The following HCN4 variants were observed in gnomAD, a reference collection of about 807,000 sequenced individuals.
HCN4 encodes the protein hyperpolarization activated cyclic nucleotide gated potassium channel 4, also known as potassium/sodium hyperpolarization-activated cyclic nucleotide-gated channel 4.
A neutral mutation model predicts 76.9 loss-of-function variants in HCN4; 29 were observed. The ratio of observed to expected loss-of-function variants is 0.38; its 90% CI spans 0.28 to 0.51. The LOEUF (loss-of-function observed/expected upper bound fraction) is 0.51, where lower values mean the gene tolerates loss of function less well. Among genes scored for constraint, HCN4 ranks in the 20% least tolerant of loss-of-function variants. The pLI is 0.90. For missense variants in HCN4, 1,416 were observed against 1,715.2 expected, an observed-to-expected ratio of 0.83 and a Z score of 3.08; for synonymous variants, 772 against 762.5, an observed-to-expected ratio of 1.01 and a Z score of -0.21.
chr15:73,351,965 T>C (rs2043056726), intron 1 of HCN4, among the ~76,000 whole-genome samples: 1 of 152,160 alleles, frequency 6.6e-6, no homozygotes, highest in African/African-American at 2.4e-5. Context: ...TCCCCACTTG[T>C]ACCCACCTAC....
chr15:73,336,391 T>C (rs2042965748), intron 2 of HCN4, among the ~76,000 whole-genome samples: 1 of 152,044 alleles, frequency 6.6e-6, no homozygotes, highest in Non-Finnish European at 1.5e-5. Flanking sequence ...CCGGCAATGC[T>C]CCTCCTCTGA....
intron 4 of HCN4, among the ~76,000 whole-genome samples, chr15:73,327,395 G>A (rs912509065): frequency 1.3e-5 from 2 of 152,118 alleles, no homozygotes; most frequent in Non-Finnish European, 2.9e-5. Flanking sequence ...ACAGGCGTGA[G>A]CCACAGCGCC....
At position 73,322,803 on chromosome 15, in the gene HCN4, C is replaced by A; in HGVS notation, c.3290G>T (p.Gly1097Val). 6.5e-7 allele frequency: 1 copy of A among 1,541,528 alleles called. No individual in the cohort carries two copies. Among genetic ancestry groups the A allele is most frequent in the East Asian group, 2.3e-5 (1 of 43,452 alleles). ...SASQPALPQD[G>V]AQTLRRASPH... ...GGAGGCTCTGCGGAGAGTCTGCGCC[C>A]CGTCCTGAGGCAGGGCTGGCTGAGA... Residue 1097 changes from glycine to valine, a missense_variant, in exon 8 of 8, where the codon GGG becomes GTG. By Grantham distance (109) the Gly-to-Val change is moderately radical. Around this residue, in one of 6 missense-constraint regions of HCN4, gnomAD observed 633 missense variants for 579.8 expected, o/e 1.09. Coordinates refer to ENST00000261917, the MANE Select transcript of HCN4 (RefSeq NM_005477.3).
chr15:73,360,580 T>C (rs1321204097), intron 1 of HCN4, among the ~76,000 whole-genome samples: 1 of 152,032 alleles, frequency 6.6e-6, no homozygotes, highest in African/African-American at 2.4e-5. Context: ...GAAGGAGGAA[T>C]GTCAAATTCC....
rs1173309336 is a variant in HCN4, at chr15:73,367,976, T to A, written c.295A>T (p.Ser99Cys). 1 of 1,348,658 alleles carries A rather than the reference T, an allele frequency of 7.4e-7. No individual in the cohort carries two copies. Among genetic ancestry groups the A allele is most frequent in the Non-Finnish European group, 9.5e-7 (1 of 1,056,868 alleles). The allele number at this position is 1,348,658 out of a possible 1,614,324, so 83.5% of individuals were successfully genotyped here. The stretch of plus-strand genomic sequence containing the variant: ...CCCCGGCTGCCCAGCGAGGCCAGGC[T>A]CCCGCGGAAGCGCCTGCAGTCGCCG... The part of the protein sequence containing the change: ...TNGDCRRFRG[S>C]LASLGSRGGG... The change falls in exon 1 of 8, where the codon AGC (serine) becomes TGC (cysteine). Residue 99 changes from serine to cysteine, a missense_variant. Physicochemically the swap from Ser to Cys is moderately radical, Grantham distance 112. This residue lies in a region of HCN4 where 355 missense variants were observed against 347.8 expected (regional missense o/e 1.02). Coordinates refer to ENST00000261917, the MANE Select transcript of HCN4 (RefSeq NM_005477.3). This position sits in a 1 kb window ranked among gnomAD's most constrained non-coding sequence, Gnocchi z 7.5.
At chr15:73,356,820 C>G (rs2043083371) in intron 1 of HCN4, among the ~76,000 whole-genome samples, 1 of 151,906 alleles carries the variant, frequency 6.6e-6, no homozygotes, top group Non-Finnish European at 1.5e-5. Context: ...CCTCACAACC[C>G]ACAAGGAAAA....
intron 2 of HCN4, among the ~76,000 whole-genome samples, chr15:73,334,786 T>C (rs1465533334): frequency 3.3e-5 from 5 of 152,120 alleles, no homozygotes; most frequent in Non-Finnish European, 7.4e-5. Flanking sequence ...ACACCCGTCA[T>C]AGACGCAAGG....
chr15:73,361,674 G>C (rs2043105697), intron 1 of HCN4, among the ~76,000 whole-genome samples: 1 of 152,164 alleles, frequency 6.6e-6, no homozygotes, highest in Non-Finnish European at 1.5e-5. Flanking sequence ...CAGGCACAAG[G>C]GCCACTCAGG....
intron 1 of HCN4, among the ~76,000 whole-genome samples, chr15:73,363,003 C>T (rs944361302): frequency 6.6e-6 from 1 of 152,232 alleles, no homozygotes; most frequent in South Asian, 2.1e-4. Context: ...AGGTGGGACA[C>T]ATCTCATCCC....
rs373721138 is a variant in HCN4 at position 73,324,000 on chromosome 15, C to G, written c.2144-51G>C. ...CTCAGGGCAGAGCGGGGAAGGAGAT[C>G]AGGTGCAGACCTGGCTTAGGCATAA... is the stretch of plus-strand genomic sequence containing the variant. On this transcript the variant is annotated intron_variant, in intron 7 of 7. Transcript: ENST00000261917. The G allele has an allele frequency of 4.3e-6, 7 of 1,611,418 alleles. No individual in the cohort carries two copies. The African/African-American group carries it at 9.3e-5, about 22-fold the overall frequency.
chr15:73,323,827 C>T lies in HCN4; in HGVS notation c.2266G>A (p.Ala756Thr), dbSNP rs143339036. 4.6e-5 allele frequency: 74 copies of T among 1,606,004 alleles called. No homozygotes were observed. Among genetic ancestry groups the T allele is most frequent in the Non-Finnish European group, 5.8e-5 (68 of 1,179,922 alleles). The change falls in exon 8 of 8, where the codon GCG becomes ACG. Residue 756 changes from alanine to threonine, a missense_variant. Physicochemically the swap from Ala to Thr is moderately conservative, Grantham distance 58. Around this residue, in one of 6 missense-constraint regions of HCN4, gnomAD observed 241 missense variants for 379.4 expected, o/e 0.64. Coordinates refer to ENST00000261917, the MANE Select transcript of HCN4 (RefSeq NM_005477.3). ...GAGGCAGCAGCCTGGACGCGGTGCGCGCAGTGGGCCATCTCCCGGTCATGC... is the reference window on the plus strand; with the variant it reads ...GAGGCAGCAGCCTGGACGCGGTGCGTGCAGTGGGCCATCTCCCGGTCATGC... Reference protein sequence around the residue: ...VQHDREMAHCAHRVQAAASAT... With the variant: ...VQHDREMAHCTHRVQAAASAT...
intron 1 of HCN4, among the ~76,000 whole-genome samples, chr15:73,351,803 C>T (rs533115771): frequency 6.6e-6 from 1 of 152,344 alleles, no homozygotes; most frequent in Non-Finnish European, 1.5e-5. Flanking sequence ...CTGGCCTGGA[C>T]TCTGCCTCCT....
intron 1 of HCN4, among the ~76,000 whole-genome samples, 196 bp from the exon 2 acceptor site, chr15:73,344,004 A>G (rs947677599): frequency 6.6e-6 from 1 of 152,204 alleles, no homozygotes; most frequent in Non-Finnish European, 1.5e-5. Flanking sequence ...CTCTTCATTC[A>G]CTAAGGATAC....
intron 1 of HCN4, among the ~76,000 whole-genome samples, chr15:73,348,946 C>T (rs950140316): frequency 6.6e-6 from 1 of 152,224 alleles, no homozygotes; most frequent in African/African-American, 2.4e-5. Context: ...TCAGCATCAT[C>T]CTCCTCAAAG....
Position 73,368,161 on chromosome 15 carries a change from GC to G in HCN4, c.109del (p.Ala37ProfsTer195). On this transcript the variant is annotated frameshift_variant, in exon 1 of 8. Transcript: ENST00000261917. LOFTEE classifies it high-confidence loss of function. The surrounding 1 kb of genome is among the most constrained non-coding windows in gnomAD (Gnocchi z 6.9). Reference protein sequence around the residue: ...DEEEDAEEEGAGGRQDPSRRS... With the variant: ...DEEEDAEEEGXGGRQDPSRRS... Reference sequence around the variant, plus strand: ...GCGGCTGGGGTCTTGGCGGCCCCCGGCCCCCTCCTCCTCGGCGTCCTCTTCC... The same window carrying G: ...GCGGCTGGGGTCTTGGCGGCCCCCGGCCCCTCCTCCTCGGCGTCCTCTTCC... 4 of 1,527,740 alleles carry G rather than the reference GC, an allele frequency of 2.6e-6. No homozygotes were observed. Among genetic ancestry groups the G allele is most frequent in the East Asian group, 2.6e-5 (1 of 38,342 alleles). 94.6% of individuals were successfully genotyped at this position (1,527,740 alleles called of 1,614,324 possible). A position where few individuals can be genotyped will look rare whatever the true frequency, so the allele number is the denominator to read the frequency against.
chr15:73,324,053 C>T, intron 7 of HCN4, 36 bp downstream of exon 7: 2 of 1,608,580 alleles, frequency 1.2e-6, no homozygotes, highest in Non-Finnish European at 8.5e-7. Flanking sequence ...CCCCCAACAC[C>T]CCCCACCTGC....
At chr15:73,362,019 T>A (rs950277709) in intron 1 of HCN4, among the ~76,000 whole-genome samples, 1 of 152,194 alleles carries the variant, frequency 6.6e-6, no homozygotes, top group Non-Finnish European at 1.5e-5. Flanking sequence ...GCCCTTTGGA[T>A]GGGAGAAAAG....
In HCN4 at chr15:73,323,080, A is replaced by G; in HGVS notation, c.3013T>C (p.Ser1005Pro). The G allele has an allele frequency of 6.4e-7, 1 of 1,570,544 alleles. No individual in the cohort carries two copies. The highest frequency in any genetic ancestry group is 8.6e-7 in the Non-Finnish European group (1 of 1,161,488). Residue 1005 changes from serine (S) to proline (P), a missense_variant, in exon 8 of 8, where the codon TCC becomes CCC. Ser to Pro is a moderately conservative substitution (Grantham distance 74, BLOSUM62 -1). Coordinates refer to ENST00000261917, the MANE Select transcript of HCN4 (RefSeq NM_005477.3). ...ETPPRQPEPP[S>P]LVAGASGGAS... ...CCCCCAGAGGCCCCTGCCACAAGGG[A>G]CGGCGGCTCAGGCTGCCGTGGGGGT...
chr15:73,351,151 C>G (rs1278083235), intron 1 of HCN4, among the ~76,000 whole-genome samples: 2 of 152,142 alleles, frequency 1.3e-5, no homozygotes, highest in African/African-American at 4.8e-5. Flanking sequence ...TCCAAGGTGG[C>G]CCACTCCACT....
Sources: gnomAD v4.1 joint callset for allele counts (sites outside exome capture counted in the v4.1 genomes callset) on GRCh38, gnomAD v4.1.1 for gene constraint, gnomAD v4.1.1 regional missense constraint, Gnocchi (gnomAD v3.1) non-coding constraint, MANE v1.5 for transcripts, NCBI Gene and HGNC (gene_info 2026-07-23, HGNC 2026-07-21) for gene names.